Variants in RBM17 observed in about 807,000 individuals in gnomAD.
RBM17 encodes the protein splicing factor 45.
Under a neutral mutation model 53.2 loss-of-function variants are expected in RBM17, and 7 were observed. The observed-to-expected ratio is 0.13, with a 90% CI of 0.07 to 0.25. The LOEUF is 0.25. Ranked by LOEUF, RBM17 falls within the 10% of genes least tolerant of loss-of-function variation. The pLI, the probability that RBM17 is intolerant of heterozygous loss-of-function variation, is 1.00. For synonymous variants in RBM17, 167 were observed against 178.1 expected, an observed-to-expected ratio of 0.94 and a Z score of 0.50; for missense variants, 257 against 496.7, an observed-to-expected ratio of 0.52 and a Z score of 4.59.
At position 6,115,872 on chromosome 10, in the gene RBM17, TAAAAAAAA is replaced by T. The variant is rs71390125; in HGVS notation, c.*331_*338del. 1.9e-4 allele frequency: 26 copies of T among 137,410 alleles called. No homozygotes were observed. The highest frequency in any genetic ancestry group is 6.2e-4 in the East Asian group (3 of 4,846). The allele number at this position is 137,410 out of a possible 1,614,324, so 8.5% of individuals were successfully genotyped here. ...TTCAATGATGCAGCATTTCTTGCAC[TAAAAAAAA>T]AAAAAAAAAAAAAACTAGAAAGTTT... On this transcript the variant is annotated 3_prime_UTR_variant, in exon 12 of 12. Coordinates refer to ENST00000379888, the MANE Select transcript of RBM17 (RefSeq NM_032905.5).
At position 6,104,080 on chromosome 10, in the gene RBM17, A is replaced by C. The variant is rs77469305; in HGVS notation, c.241-851A>C. On this transcript the variant is annotated intron_variant, in intron 3 of 11. Transcript: ENST00000379888. ...ACGAAGAATTATGCTAAGAACACTA[A>C]CAGGAGAAAGTGTGGGAAGGTTTAG... Among the ~76,000 whole-genome samples, 1,143 of 152,370 alleles carry C rather than the reference A, an allele frequency of 7.5e-3. 8 individuals carry two copies. The highest frequency in any genetic ancestry group is 0.013 in the Non-Finnish European group (864 of 68,034).
At chr10:6,098,569 T>TTTTG (rs1840618309) in intron 2 of RBM17, among the ~76,000 whole-genome samples, 1 of 85,584 alleles carries the variant, frequency 1.2e-5, no homozygotes, top group African/African-American at 5.8e-5. Context: ...TTTTGTTTTT[T>TTTTG]TTTTTTTTTT....
Position 6,102,140 on chromosome 10 carries a change from AAAT to A in RBM17, c.240+757_240+759del, listed in dbSNP as rs772611273. ...ATTTATCTTTCCACAGATGGCGTTC[AAAT>A]AATGACTGTGGTCATTTAAACAGCA... On this transcript the variant is annotated intron_variant, in intron 3 of 11. Coordinates refer to ENST00000379888, the MANE Select transcript of RBM17 (RefSeq NM_032905.5). 4.9e-4 allele frequency among the ~76,000 whole-genome samples: 74 copies of A among 152,264 alleles called. 1 individual carries two copies. The highest frequency in any genetic ancestry group is 7.3e-4 in the Non-Finnish European group (50 of 68,052).
chr10:6,108,855 A>G, intron 6 of RBM17, 113 bp downstream of exon 6: 1 of 679,270 alleles, frequency 1.5e-6, no homozygotes, highest in Non-Finnish European at 2.5e-6. Flanking sequence ...ACGGCCTGCA[A>G]GCCTGCCTGG....
chr10:6,105,587 A>C (rs1369061135), intron 4 of RBM17, among the ~76,000 whole-genome samples: 1 of 152,218 alleles, frequency 6.6e-6, no homozygotes, highest in Non-Finnish European at 1.5e-5. Flanking sequence ...AACTTGTAAA[A>C]TCACAGCTAT....
Position 6,097,240 on chromosome 10 carries a change from A to T in RBM17, c.123+52A>T, listed in dbSNP as rs201082544. 4.4e-6 allele frequency: 7 copies of T among 1,582,630 alleles called. No homozygotes were observed. The Admixed American group carries it at 7.3e-5, about 17-fold the overall frequency. On this transcript the variant is annotated intron_variant, in intron 2 of 11. Transcript: ENST00000379888. ...CAGAGGCCTCCAGAGTGGGTTCCTC[A>T]TTAGGATGACAAGGAATTTGGTTTC... is the stretch of plus-strand genomic sequence containing the variant.
Position 6,113,539 on chromosome 10 carries a change from G to T in RBM17, c.888G>T (p.Leu296=). The change falls in exon 9 of 12, where the codon CTG becomes CTT. Residue 296 remains leucine, a synonymous_variant. Coordinates refer to ENST00000379888, the MANE Select transcript of RBM17 (RefSeq NM_032905.5). ...CCAAGAAGTCAGATTCAAATCCGCT[G>T]ACTGAAATACTTAAGTGTCCTACTA... ...DASKKSDSNP[L]TEILKCPTKV... is the part of the protein sequence containing the mutation. 1 of 1,613,550 alleles carries T rather than the reference G, an allele frequency of 6.2e-7. No individual in the cohort carries two copies. Among genetic ancestry groups the T allele is most frequent in the South Asian group, 1.1e-5 (1 of 91,034 alleles).
chr10:6,107,938 C>T (rs1053735180), intron 5 of RBM17, among the ~76,000 whole-genome samples: 7 of 152,104 alleles, frequency 4.6e-5, no homozygotes, highest in African/African-American at 1.7e-4. Context: ...TATGTTAGGA[C>T]TTATGCCTAA....
At chr10:6,094,276 C>T (rs1840537093) in intron 1 of RBM17, among the ~76,000 whole-genome samples, 1 of 152,126 alleles carries the variant, frequency 6.6e-6, no homozygotes, top group South Asian at 2.1e-4. Context: ...CCGCACCCGG[C>T]CTGGTGTGGA....
chr10:6,104,911 G>T lies in RBM17; in HGVS notation c.241-20G>T. ...GTAAGATATAAAGAGGATTCTTACT[G>T]CTGTTTTTACCTTCCTCAGGATCCT... On this transcript the variant is annotated intron_variant, in intron 3 of 11. Transcript: ENST00000379888. The T allele has an allele frequency of 6.2e-7, 1 of 1,609,220 alleles. No individual in the cohort carries two copies. The highest frequency in any genetic ancestry group is 8.5e-7 in the Non-Finnish European group (1 of 1,176,712).
Position 6,112,592 on chromosome 10 carries a change from C to T in RBM17, c.856+231C>T, listed in dbSNP as rs1045949017. ...GAGGCTCATCTTTATTTTTTCAGAA[C>T]AGACGTAGAGAGATGAAGGCTTGTG... On this transcript the variant is annotated intron_variant, in intron 8 of 11. Transcript: ENST00000379888. The surrounding 1 kb of genome is among the most constrained non-coding windows in gnomAD (Gnocchi z 4.4). 6 of 546,226 alleles carry T rather than the reference C, an allele frequency of 1.1e-5. No homozygotes were observed. Among genetic ancestry groups the T allele is most frequent in the African/African-American group, 9.5e-5 (5 of 52,594 alleles). The allele number at this position is 546,226 out of a possible 1,614,324, so 33.8% of individuals were successfully genotyped here.
intron 2 of RBM17, among the ~76,000 whole-genome samples, chr10:6,098,545 G>T: frequency 7.6e-6 from 1 of 132,022 alleles, no homozygotes; most frequent in Admixed American, 7.9e-5. Context: ...GAAAATTTCC[G>T]TAATACACAG....
chr10:6,090,199 G>A (rs756649687), intron 1 of RBM17, among the ~76,000 whole-genome samples: 1 of 152,172 alleles, frequency 6.6e-6, no homozygotes, highest in Non-Finnish European at 1.5e-5. Flanking sequence ...GCTAGAGCCA[G>A]GCATATGGAT....
chr10:6,106,138 C>T lies in RBM17; in HGVS notation c.408-3C>T, dbSNP rs1252458154. ...TGAACATTTATTTCCTTTGTTATCA[C>T]AGAAGGCGTAAAGACAGACATGAAG... On this transcript the variant is annotated splice_polypyrimidine_tract_variant and splice_region_variant and intron_variant, in intron 4 of 11. Coordinates refer to ENST00000379888, the MANE Select transcript of RBM17 (RefSeq NM_032905.5). 2 of 1,605,168 alleles carry T rather than the reference C, an allele frequency of 1.2e-6. No individual in the cohort carries two copies. The highest frequency in any genetic ancestry group is 1.7e-6 in the Non-Finnish European group (2 of 1,172,214).
intron 10 of RBM17, 80 bp downstream of exon 10, chr10:6,114,227 G>GTA (rs1840880881): frequency 1.2e-6 from 1 of 805,904 alleles, no homozygotes; most frequent in African/African-American, 1.7e-5. Context: ...ACAGGACAGG[G>GTA]TATGCTATAA....
intron 1 of RBM17, among the ~76,000 whole-genome samples, chr10:6,096,042 G>A (rs1332294635): frequency 2.6e-5 from 4 of 152,178 alleles, no homozygotes; most frequent in Admixed American, 2.6e-4. Flanking sequence ...AGACTTATTT[G>A]TCCATAAACT....
chr10:6,110,742 G>T (rs1431810004), intron 7 of RBM17, among the ~76,000 whole-genome samples: 3 of 152,210 alleles, frequency 2.0e-5, no homozygotes, highest in African/African-American at 7.2e-5. Context: ...TGAAGGCTTT[G>T]TTCTGTGCTG....
intron 5 of RBM17, 56 bp from the exon 6 acceptor site, chr10:6,108,630 G>C (rs41295243): frequency 0.013 from 17,748 of 1,417,300 alleles, 163 homozygotes; most frequent in Middle Eastern, 0.016. Flanking sequence ...TGTCATAGTC[G>C]TTTGGGAGTC....
intron 4 of RBM17, 127 bp downstream of exon 4, chr10:6,105,224 A>G: frequency 3.7e-6 from 3 of 810,796 alleles, no homozygotes; most frequent in Non-Finnish European, 5.8e-6. Context: ...CAGTCACTAC[A>G]AGGAATCAAA....
Sources: allele counts gnomAD v4.1 joint callset (sites outside exome capture counted in the v4.1 genomes callset), GRCh38; gene constraint gnomAD v4.1.1; non-coding constraint Gnocchi (gnomAD v3.1); transcripts MANE v1.5; gene names NCBI Gene and HGNC (gene_info 2026-07-23, HGNC 2026-07-21).